Variants in PAIP1 observed in about 807,000 individuals in gnomAD.
PAIP1 encodes poly(A) binding protein interacting protein 1.
In PAIP1, 16 loss-of-function variants were observed where a neutral mutation model predicts 61.3. The observed-to-expected ratio is 0.26, with a 90% CI of 0.18 to 0.40. PAIP1 has a LOEUF of 0.40. Among genes scored for constraint, PAIP1 ranks in the 10% least tolerant of loss-of-function variants. The pLI is 1.00. For missense variants in PAIP1, 416 were observed against 600.9 expected, an observed-to-expected ratio of 0.69 and a Z score of 3.22; for synonymous variants, 187 against 226.2, an observed-to-expected ratio of 0.83 and a Z score of 1.56.
In PAIP1 at chr5:43,556,965, G is replaced by A. The variant is rs1414295442; in HGVS notation, c.-119C>T. On this transcript the variant is annotated 5_prime_UTR_variant, in exon 1 of 11. Coordinates refer to ENST00000306846, the MANE Select transcript of PAIP1 (RefSeq NM_006451.5). Reference sequence around the variant, plus strand: ...CGCGCCTCACTCGGGCCTCATGGAGGAGGAGGGCGGCGGGCCCCGGCTCGG... The same window carrying A: ...CGCGCCTCACTCGGGCCTCATGGAGAAGGAGGGCGGCGGGCCCCGGCTCGG... 6.4e-6 allele frequency: 8 copies of A among 1,249,082 alleles called. No homozygotes were observed. Among genetic ancestry groups the A allele is most frequent in the Middle Eastern group, 3.1e-4 (1 of 3,218 alleles). The allele number at this position is 1,249,082 out of a possible 1,614,324, so 77.4% of individuals were successfully genotyped here.
intron 5 of PAIP1, among the ~76,000 whole-genome samples, chr5:43,537,917 C>A (rs947413451): frequency 6.6e-6 from 1 of 150,708 alleles, no homozygotes; most frequent in Non-Finnish European, 1.5e-5. Flanking sequence ...TCGCTTGAAC[C>A]CGGGAGGCGG....
intron 8 of PAIP1, among the ~76,000 whole-genome samples, chr5:43,534,110 T>C (rs534403148): frequency 7.2e-5 from 11 of 152,338 alleles, no homozygotes; most frequent in African/African-American, 2.6e-4. Flanking sequence ...TTTTAAGAAT[T>C]TCCAGGACCA....
chr5:43,555,310 C>CA (rs1250030263), intron 2 of PAIP1, among the ~76,000 whole-genome samples: 1 of 152,190 alleles, frequency 6.6e-6, no homozygotes, highest in Non-Finnish European at 1.5e-5. Flanking sequence ...ATCATTTCTC[C>CA]AATGATTCCC....
intron 2 of PAIP1, among the ~76,000 whole-genome samples, chr5:43,552,192 G>A (rs142783357): frequency 1.3e-4 from 20 of 152,148 alleles, no homozygotes; most frequent in Admixed American, 1.2e-3. Flanking sequence ...ATATAGTCAC[G>A]ACTACTTTAG....
intron 6 of PAIP1, 88 bp from the exon 7 acceptor site, chr5:43,535,728 C>T: frequency 1.4e-6 from 1 of 713,552 alleles, no homozygotes; most frequent in Non-Finnish European, 2.4e-6. Context: ...CAAGCATTCT[C>T]TAAACAAGAT....
chr5:43,556,357 G>C (rs1404952254), intron 1 of PAIP1: 13 of 1,233,948 alleles, frequency 1.1e-5, no homozygotes, highest in East Asian at 6.3e-5. Context: ...CTCCGAGACC[G>C]CGCACCCGGC....
chr5:43,528,734 G>GA (rs1417591349), intron 10 of PAIP1, among the ~76,000 whole-genome samples: 1 of 151,504 alleles, frequency 6.6e-6, no homozygotes, highest in East Asian at 1.9e-4. Context: ...TACAACACAG[G>GA]AGATATTAAA....
intron 9 of PAIP1, among the ~76,000 whole-genome samples, chr5:43,530,445 TTTAAG>T (rs769381251): frequency 3.9e-5 from 6 of 152,344 alleles, no homozygotes; most frequent in South Asian, 2.1e-4. Flanking sequence ...TTGGGTACCT[TTTAAG>T]TTAAGTATTT....
intron 5 of PAIP1, among the ~76,000 whole-genome samples, chr5:43,538,428 AGT>A (rs1449714144): frequency 6.6e-6 from 1 of 152,222 alleles, no homozygotes. Flanking sequence ...CATATATCAA[AGT>A]GTTGTGTACC....
At position 43,531,656 on chromosome 5, in the gene PAIP1, C is replaced by CAAAA. The variant is rs369954867; in HGVS notation, c.1253-1781_1253-1778dup. On this transcript the variant is annotated intron_variant, in intron 9 of 10. Coordinates refer to ENST00000306846, the MANE Select transcript of PAIP1 (RefSeq NM_006451.5). ...TGGGTAACAGAGTGAGACTCTGTCT[C>CAAAA]AAAAAAAAAAAAAAAAAAAAAGAGA... 1.3e-3 allele frequency among the ~76,000 whole-genome samples: 75 copies of CAAAA among 59,860 alleles called. 3 individuals carry two copies. Among genetic ancestry groups the CAAAA allele is most frequent in the South Asian group, 5.5e-3 (6 of 1,090 alleles). 39.3% of individuals were successfully genotyped at this position (59,860 alleles called of 152,430 possible). A position where few individuals can be genotyped will look rare whatever the true frequency, so the allele number is the denominator to read the frequency against.
rs1319056364 is a variant in PAIP1, at chr5:43,548,024, A to G, written c.436-111T>C. The G allele has an allele frequency of 4.9e-6, 3 of 616,662 alleles. No individual in the cohort carries two copies. The African/African-American group carries it at 5.8e-5, about 12-fold the overall frequency. The allele number at this position is 616,662 out of a possible 1,614,324, so 38.2% of individuals were successfully genotyped here. ...TTTAAAGATCCCTCACATGATAAAA[A>G]TTTATGTTCATCAATAAAATTGTCA... On this transcript the variant is annotated intron_variant, in intron 2 of 10. Transcript: ENST00000306846.
chr5:43,555,979 C>T lies in PAIP1; in HGVS notation c.286G>A (p.Ala96Thr). 6.2e-7 allele frequency: 1 copy of T among 1,613,184 alleles called. No homozygotes were observed. The highest frequency in any genetic ancestry group is 8.5e-7 in the Non-Finnish European group (1 of 1,179,700). Residue 96 changes from alanine (A) to threonine (T), a missense_variant, in exon 2 of 11, where the codon GCT (alanine) becomes ACT (threonine). Coordinates refer to ENST00000306846, the MANE Select transcript of PAIP1 (RefSeq NM_006451.5). ...ATTTTATCCTGTGAACTAGGTGGAG[C>T]TCTCAGGGGCCTCGTTTGCTCTGCA... Reference protein sequence around the residue: ...ALPEQTRPLRAPPSSQDKIPQ... With the variant: ...ALPEQTRPLRTPPSSQDKIPQ...
At chr5:43,528,663 C>T (rs1371024008) in intron 10 of PAIP1, among the ~76,000 whole-genome samples, 2 of 151,788 alleles carry the variant, frequency 1.3e-5, no homozygotes, top group Non-Finnish European at 2.9e-5. Flanking sequence ...TTCTAGATCT[C>T]AAACCGACAC....
rs1748095364 is a variant in PAIP1 at position 43,556,630 on chromosome 5, C to G, written c.217G>C (p.Glu73Gln). ...RTTPPPGAQCEVPASPQRPSR... is the reference protein window; with the variant it reads ...RTTPPPGAQCQVPASPQRPSR... ...GGCCGCTGGGGGCTGGCGGGGACCT[C>G]GCACTGGGCCCCTGGCGGCGGGGTC... The change falls in exon 1 of 11, where the codon GAG becomes CAG. Residue 73 changes from glutamate (E) to glutamine (Q), a missense_variant. Around this residue, in one of 4 missense-constraint regions of PAIP1, gnomAD observed 180 missense variants for 211.2 expected, o/e 0.85. Coordinates refer to ENST00000306846, the MANE Select transcript of PAIP1 (RefSeq NM_006451.5). The G allele has an allele frequency of 1.6e-6, 2 of 1,261,740 alleles. No individual in the cohort carries two copies. The highest frequency in any genetic ancestry group is 2.0e-6 in the Non-Finnish European group (2 of 1,001,698). 78.2% of individuals were successfully genotyped at this position (1,261,740 alleles called of 1,614,324 possible).
intron 4 of PAIP1, among the ~76,000 whole-genome samples, chr5:43,539,430 A>G (rs1310859645): frequency 6.7e-6 from 1 of 148,982 alleles, no homozygotes; most frequent in Non-Finnish European, 1.5e-5. Flanking sequence ...TTAATACTAC[A>G]ACTTTGAAAA....
intron 2 of PAIP1, among the ~76,000 whole-genome samples, chr5:43,550,837 C>CAAAAAAAAAAAAAAAAAAAA (rs373730839): frequency 1.4e-4 from 7 of 49,562 alleles, no homozygotes; most frequent in African/African-American, 3.0e-4. Context: ...AAATATACTA[C>CAAAAAAAAAAAAAAAAAAAA]AAAAAAAAAA....
At chr5:43,544,141 CT>C (rs1157358918) in intron 3 of PAIP1, among the ~76,000 whole-genome samples, 62 of 52,380 alleles carry the variant, frequency 1.2e-3, no homozygotes, top group Non-Finnish European at 2.2e-3. Context: ...AAGCCCCCAT[CT>C]TTTTAAAAAA....
At chr5:43,556,170 A>C (rs1447789827) in intron 1 of PAIP1, 171 bp from the exon 2 acceptor site, 2 of 1,403,052 alleles carry the variant, frequency 1.4e-6, no homozygotes, top group African/African-American at 2.9e-5. Context: ...AAAAAGGAAC[A>C]ATAGACTTGC....
chr5:43,529,905 T>G (rs1423761328), intron 9 of PAIP1, 26 bp from the exon 10 acceptor site: 1 of 1,015,320 alleles, frequency 9.8e-7, no homozygotes, highest in Non-Finnish European at 1.6e-6. Flanking sequence ...GGAGAAAAAC[T>G]AAATACTGAA....
Sources: gnomAD v4.1 joint callset for allele counts (sites outside exome capture counted in the v4.1 genomes callset) on GRCh38, gnomAD v4.1.1 for gene constraint, gnomAD v4.1.1 regional missense constraint, MANE v1.5 for transcripts, NCBI Gene and HGNC (gene_info 2026-07-23, HGNC 2026-07-21) for gene names.